CUX1: variants seen among roughly 807,000 people sequenced by gnomAD.
CUX1 encodes protein CASP.
CUX1 carries 31 observed loss-of-function variants against 158.8 expected under a neutral mutation model. The observed-to-expected ratio is 0.20, with a 90% CI of 0.15 to 0.26. CUX1 has a LOEUF of 0.26. Among genes scored for constraint, CUX1 ranks in the 10% least tolerant of loss-of-function variants. The pLI is 1.00. For synonymous variants in CUX1, 879 were observed against 862.1 expected, an observed-to-expected ratio of 1.02 and a Z score of -0.34; for missense variants, 1,589 against 2,014.6, an observed-to-expected ratio of 0.79 and a Z score of 4.04.
chr7:102,066,683 G>A (rs1013720307), intron 3 of CUX1, among the ~76,000 whole-genome samples: 12 of 152,184 alleles, frequency 7.9e-5, no homozygotes, highest in Admixed American at 3.9e-4. Flanking sequence ...CAGCCAGGGC[G>A]TCTGCCCAGC....
In CUX1 at chr7:102,152,472, G is replaced by C. The variant is rs146853493; in HGVS notation, c.675-6088G>C. Among the ~76,000 whole-genome samples, 132 of 152,294 alleles carry C rather than the reference G, an allele frequency of 8.7e-4. 3 individuals carry two copies. In the East Asian group the frequency reaches 0.024, roughly 28 times the overall value. ...CTCACTTTGTCACCTAGGCTGGAGTGTAGTAGCACCATCTTGGCTCATGCT... is the reference window on the plus strand; with the variant it reads ...CTCACTTTGTCACCTAGGCTGGAGTCTAGTAGCACCATCTTGGCTCATGCT... On this transcript the variant is annotated intron_variant, in intron 8 of 23. Coordinates refer to ENST00000292535, the MANE Select transcript of CUX1 (RefSeq NM_181552.4).
chr7:102,280,622 G>A (rs1284317095), intron 19 of CUX1, among the ~76,000 whole-genome samples: 1 of 152,104 alleles, frequency 6.6e-6, no homozygotes, highest in Non-Finnish European at 1.5e-5. Context: ...GGGGAGTCCA[G>A]AATGTCACAC....
At chr7:101,896,882 A>G (rs911232027) in intron 1 of CUX1, among the ~76,000 whole-genome samples, 6 of 152,124 alleles carry the variant, frequency 3.9e-5, no homozygotes, top group African/African-American at 1.4e-4. Context: ...TTAGAGACGC[A>G]CTCCCAGTAA....
intron 1 of CUX1, among the ~76,000 whole-genome samples, chr7:101,864,890 T>A (rs1270344098): frequency 1.3e-5 from 2 of 152,230 alleles, no homozygotes; most frequent in Non-Finnish European, 2.9e-5. Flanking sequence ...AAGCTTCATG[T>A]TTCAACTGGG....
At chr7:102,085,841 A>G (rs959199673) in intron 4 of CUX1, among the ~76,000 whole-genome samples, 1 of 152,214 alleles carries the variant, frequency 6.6e-6, no homozygotes, top group Non-Finnish European at 1.5e-5. Context: ...AGTTTGTATA[A>G]GATTGCAGTT....
intron 8 of CUX1, 85 bp from the exon 9 acceptor site, chr7:102,158,475 C>A (rs1266596255): frequency 7.8e-6 from 11 of 1,409,296 alleles, no homozygotes; most frequent in Non-Finnish European, 1.1e-5. Flanking sequence ...CCTTCCCGAG[C>A]CCTGAGCTAG....
chr7:102,128,390 C>T (rs535200428), intron 8 of CUX1, among the ~76,000 whole-genome samples: 49 of 152,094 alleles, frequency 3.2e-4, no homozygotes, highest in Non-Finnish European at 5.4e-4. Flanking sequence ...GCCGCAGCAC[C>T]GGATTGGGCC....
At chr7:101,925,932 C>T (rs1363419546) in intron 2 of CUX1, among the ~76,000 whole-genome samples, 3 of 146,990 alleles carry the variant, frequency 2.0e-5, no homozygotes, top group Admixed American at 6.7e-5. Flanking sequence ...TTATAACCCC[C>T]GTCTCAAAAC....
chr7:101,923,560 G>A (rs1805225222), intron 2 of CUX1, among the ~76,000 whole-genome samples: 1 of 152,198 alleles, frequency 6.6e-6, no homozygotes, highest in African/African-American at 2.4e-5. Context: ...CGTTGCTCTG[G>A]GAGGAGAGCC....
chr7:102,077,731 T>G (rs1394118291), intron 4 of CUX1, among the ~76,000 whole-genome samples: 1 of 152,148 alleles, frequency 6.6e-6, no homozygotes, highest in Non-Finnish European at 1.5e-5. Flanking sequence ...CTCAGGTAGC[T>G]GGGAATATTC....
chr7:102,057,621 A>T (rs571215305), intron 3 of CUX1, among the ~76,000 whole-genome samples: 8 of 152,218 alleles, frequency 5.3e-5, no homozygotes, highest in Non-Finnish European at 8.8e-5. Flanking sequence ...TGCGGGGGAA[A>T]TAGCAAGAGA....
At position 102,252,618 on chromosome 7, in the gene CUX1, AC is replaced by A. The variant is rs1801633344; in HGVS notation, c.*3579del. 2.0e-6 allele frequency: 2 copies of A among 985,286 alleles called. No individual in the cohort carries two copies. Among genetic ancestry groups the A allele is most frequent in the Admixed American group, 6.2e-5 (1 of 16,252 alleles). The allele number at this position is 985,286 out of a possible 1,614,324, so 61.0% of individuals were successfully genotyped here. A position where few individuals can be genotyped will look rare whatever the true frequency, so the allele number is the denominator to read the frequency against. ...ATCAGTGTTTGCATTTAGCCTCTTG[AC>A]CCGGAGTTCCGGCCCAAGCTCCCTT... On this transcript the variant is annotated 3_prime_UTR_variant, in exon 24 of 24. Transcript: ENST00000292535.
intron 4 of CUX1, among the ~76,000 whole-genome samples, chr7:102,087,744 A>G (rs1828096836): frequency 6.6e-6 from 1 of 152,200 alleles, no homozygotes; most frequent in Admixed American, 6.5e-5. Flanking sequence ...CTACAACGCT[A>G]TAATACATGG....
At chr7:102,101,550 G>C (rs922450575) in intron 5 of CUX1, among the ~76,000 whole-genome samples, 3 of 152,208 alleles carry the variant, frequency 2.0e-5, no homozygotes, top group African/African-American at 7.2e-5. Context: ...ATGTGTCACT[G>C]AGGAGCCCCA....
chr7:102,099,205 C>T (rs951946857), intron 5 of CUX1, among the ~76,000 whole-genome samples: 2 of 152,040 alleles, frequency 1.3e-5, no homozygotes, highest in African/African-American at 2.4e-5. Flanking sequence ...TTTGGGGGCA[C>T]GAGGTGACAG....
chr7:102,122,234 G>A (rs1256217332), intron 8 of CUX1, among the ~76,000 whole-genome samples: 1 of 152,102 alleles, frequency 6.6e-6, no homozygotes, highest in Non-Finnish European at 1.5e-5. Context: ...TTTCCAGTAC[G>A]AGTTGCTGTA....
chr7:102,095,032 C>T (rs1554483611), intron 4 of CUX1, among the ~76,000 whole-genome samples: 4 of 151,652 alleles, frequency 2.6e-5, no homozygotes, highest in Non-Finnish European at 5.9e-5. Flanking sequence ...CAGGATTTCG[C>T]TCTGTTGCCC....
intron 4 of CUX1, among the ~76,000 whole-genome samples, chr7:102,094,524 C>T (rs782293180): frequency 1.2e-4 from 19 of 152,298 alleles, no homozygotes; most frequent in African/African-American, 3.6e-4. Context: ...CTTGCTTAAC[C>T]GCATGGGAGA....
At chr7:102,014,726 CAAGTTGCCCCCT>C (rs1818397733) in intron 2 of CUX1, among the ~76,000 whole-genome samples, 1 of 152,000 alleles carries the variant, frequency 6.6e-6, no homozygotes, top group Admixed American at 6.6e-5. Context: ...TTTAAATTCC[CAAGTTGCCCCCT>C]AAGTTACATG....
Sources: gnomAD v4.1 joint callset for allele counts (sites outside exome capture counted in the v4.1 genomes callset) on GRCh38, gnomAD v4.1.1 for gene constraint, MANE v1.5 for transcripts, NCBI Gene and HGNC (gene_info 2026-07-23, HGNC 2026-07-21) for gene names.